Variants in MAP3K21 observed in about 807,000 individuals in gnomAD.
MAP3K21 encodes the protein mitogen-activated protein kinase kinase kinase MLK4.
Under a neutral mutation model 86.1 loss-of-function variants are expected in MAP3K21, and 63 were observed. The observed-to-expected ratio is 0.73, with a 90% CI of 0.60 to 0.90. The LOEUF (loss-of-function observed/expected upper bound fraction) is 0.90, where lower values mean the gene tolerates loss of function less well. Among genes scored for constraint, MAP3K21 ranks in the 40% least tolerant of loss-of-function variants. The pLI is 0.00. For synonymous variants in MAP3K21, 558 were observed against 564.8 expected (o/e 0.99, Z 0.17); for missense variants, 1,220 against 1,367.7 (o/e 0.89, Z 1.70).
chr1:233,364,811 T>C (rs1663542197), intron 5 of MAP3K21, among the ~76,000 whole-genome samples: 1 of 152,214 alleles, frequency 6.6e-6, no homozygotes, highest in African/African-American at 2.4e-5. Flanking sequence ...AGAAATCTAC[T>C]GCTATAATCC....
chr1:233,342,924 A>T (rs75013893), intron 1 of MAP3K21, among the ~76,000 whole-genome samples: 2,118 of 152,270 alleles, frequency 0.014, 54 homozygotes, highest in African/African-American at 0.048. Context: ...CGGATTCTTC[A>T]TATCTATAAT....
At chr1:233,331,535 T>C (rs1662809159) in intron 1 of MAP3K21, among the ~76,000 whole-genome samples, 1 of 152,246 alleles carries the variant, frequency 6.6e-6, no homozygotes, top group African/African-American at 2.4e-5. Context: ...TGCAGTATGT[T>C]TTGTTTGATT....
In MAP3K21 at chr1:233,339,316, CTCT is replaced by C. The variant is rs1446861300; in HGVS notation, c.806-7114_806-7112del. On this transcript the variant is annotated intron_variant, in intron 1 of 9. Transcript: ENST00000366624. ...CCTCTTCTTCTTCCTCTTCTTCTTCCTCTTCTTCTTCTTCCTCTTCTTCTCCCT... is the reference window on the plus strand; with the variant it reads ...CCTCTTCTTCTTCCTCTTCTTCTTCCTCTTCTTCTTCCTCTTCTTCTCCCT... 1.5e-4 allele frequency among the ~76,000 whole-genome samples: 12 copies of C among 81,576 alleles called. 1 individual carries two copies. The highest frequency in any genetic ancestry group is 8.7e-4 in the East Asian group (2 of 2,308). The allele number at this position is 81,576 out of a possible 152,430, so 53.5% of individuals were successfully genotyped here.
intron 1 of MAP3K21, among the ~76,000 whole-genome samples, chr1:233,343,788 T>C (rs1404370855): frequency 6.6e-6 from 1 of 152,204 alleles, no homozygotes. Context: ...AGCATTGTCG[T>C]ATGGGTTATG....
chr1:233,380,997 A>T (rs1663902865), intron 9 of MAP3K21, among the ~76,000 whole-genome samples: 1 of 152,192 alleles, frequency 6.6e-6, no homozygotes, highest in Admixed American at 6.5e-5. Context: ...GTGGCACTGA[A>T]ATACTGACAT....
Position 233,328,916 on chromosome 1 carries a change from A to C in MAP3K21, c.805+83A>C. 1 of 1,246,382 alleles carries C rather than the reference A, an allele frequency of 8.0e-7. No individual in the cohort carries two copies. The highest frequency in any genetic ancestry group is 1.0e-6 in the Non-Finnish European group (1 of 985,200). The allele number at this position is 1,246,382 out of a possible 1,614,324, so 77.2% of individuals were successfully genotyped here. Reference sequence around the variant, plus strand: ...TCCACAGGACATAGTACCAGATGGAAAGAGGTGGGAGTCAGCCTTAGGGCG... The same window carrying C: ...TCCACAGGACATAGTACCAGATGGACAGAGGTGGGAGTCAGCCTTAGGGCG... On this transcript the variant is annotated intron_variant, in intron 1 of 9. Coordinates refer to ENST00000366624, the MANE Select transcript of MAP3K21 (RefSeq NM_032435.3). The surrounding 1 kb of genome is among the most constrained non-coding windows in gnomAD (Gnocchi z 8.7).
Position 233,366,815 on chromosome 1 carries a change from A to G in MAP3K21, c.1552+4522A>G, listed in dbSNP as rs1316020401. ...TTTAATCTTATGGGTATTTATAGCT[A>G]TGGTGATTTAGTGATAGAAACCTCA... On this transcript the variant is annotated intron_variant, in intron 5 of 9. Transcript: ENST00000366624. Among the ~76,000 whole-genome samples the G allele has an allele frequency of 2.6e-5, 4 of 152,278 alleles. No individual in the cohort carries two copies. The East Asian group carries it at 7.8e-4, about 30-fold the overall frequency.
intron 1 of MAP3K21, among the ~76,000 whole-genome samples, chr1:233,339,497 T>TC (rs1662996434): frequency 7.3e-6 from 1 of 137,724 alleles, no homozygotes; most frequent in Non-Finnish European, 1.6e-5. Flanking sequence ...TTTTTTTTTT[T>TC]TGAGGCAGGG....
At chr1:233,373,098 T>C (rs565542988) in intron 6 of MAP3K21, 2 of 152,274 alleles carry the variant, frequency 1.3e-5, no homozygotes, top group South Asian at 2.1e-4. Context: ...ACAGAGAAAC[T>C]GGATCTAAAT....
Position 233,379,637 on chromosome 1 carries a change from A to C in MAP3K21, c.2631A>C (p.Val877=). 6.2e-7 allele frequency: 1 copy of C among 1,614,078 alleles called. No individual in the cohort carries two copies. Among genetic ancestry groups the C allele is most frequent in the Non-Finnish European group, 8.5e-7 (1 of 1,180,002 alleles). Reference sequence around the variant, plus strand: ...TCCTACAGCAGACATGTGGGAATGTACCTTACTGTGCTTCTTCAAAACATA... The same window carrying C: ...TCCTACAGCAGACATGTGGGAATGTCCCTTACTGTGCTTCTTCAAAACATA... ...SSFLQQTCGN[V]PYCASSKHRP... The change falls in exon 9 of 10, where the codon GTA becomes GTC. Residue 877 remains valine (V), a synonymous_variant. Coordinates refer to ENST00000366624, the MANE Select transcript of MAP3K21 (RefSeq NM_032435.3).
chr1:233,381,790 G>T (rs2102770188), intron 9 of MAP3K21, among the ~76,000 whole-genome samples: 1 of 152,300 alleles, frequency 6.6e-6, no homozygotes, highest in South Asian at 2.1e-4. Flanking sequence ...AACAAGAAAA[G>T]AGGTGACGTG....
intron 5 of MAP3K21, among the ~76,000 whole-genome samples, chr1:233,368,870 T>A (rs548585809): frequency 6.6e-6 from 1 of 152,182 alleles, no homozygotes; most frequent in East Asian, 1.9e-4. Context: ...GGGGTGATTA[T>A]AAAACATATA....
chr1:233,363,938 C>T (rs577800203), intron 5 of MAP3K21, among the ~76,000 whole-genome samples: 4 of 150,604 alleles, frequency 2.7e-5, no homozygotes, highest in Non-Finnish European at 4.4e-5. Flanking sequence ...CTCTTGAACC[C>T]GGGAGCTGGA....
Position 233,379,613 on chromosome 1 carries a change from C to T in MAP3K21, c.2607C>T (p.Phe869=). Reference sequence around the variant, plus strand: ...TATCAAGAAACTTGCCGTCTTCCTTCCTACAGCAGACATGTGGGAATGTAC... The same window carrying T: ...TATCAAGAAACTTGCCGTCTTCCTTTCTACAGCAGACATGTGGGAATGTAC... The part of the protein sequence containing the change: ...CSVSRNLPSS[F]LQQTCGNVPY... The change falls in exon 9 of 10, where the codon TTC becomes TTT. Residue 869 remains phenylalanine, a synonymous_variant. Coordinates refer to ENST00000366624, the MANE Select transcript of MAP3K21 (RefSeq NM_032435.3). 3.7e-6 allele frequency: 6 copies of T among 1,614,122 alleles called. No individual in the cohort carries two copies. Among genetic ancestry groups the T allele is most frequent in the Non-Finnish European group, 5.1e-6 (6 of 1,180,008 alleles).
rs1421396237 is a variant in MAP3K21, at chr1:233,346,524, G to A, written c.888G>A (p.Trp296Ter). ...CAGATTTTGGGTTGGCGAGGGAATG[G>A]CACAGGACCACCAAAATGAGCACAG... ...KITDFGLARE[W>*]HRTTKMSTAG... The change falls in exon 2 of 10, where the codon TGG (tryptophan) becomes TGA (stop). Residue 296 changes from tryptophan (W) to a stop codon, truncating the protein, a stop_gained. Transcript: ENST00000366624. LOFTEE classifies it high-confidence loss of function. 6.2e-7 allele frequency: 1 copy of A among 1,613,786 alleles called. No individual in the cohort carries two copies. The highest frequency in any genetic ancestry group is 1.1e-5 in the South Asian group (1 of 91,062).
intron 5 of MAP3K21, among the ~76,000 whole-genome samples, chr1:233,365,755 A>G (rs1253318522): frequency 6.6e-6 from 1 of 152,182 alleles, no homozygotes; most frequent in Admixed American, 6.5e-5. Context: ...AAGTTAGTAC[A>G]GCCATTGTGG....
chr1:233,346,375 C>A, intron 1 of MAP3K21, 67 bp from the exon 2 acceptor site: 2 of 1,260,682 alleles, frequency 1.6e-6, no homozygotes, highest in Non-Finnish European at 1.1e-6. Context: ...GTTTTACATG[C>A]CACAGAAAAA....
At chr1:233,339,262 TTCTTCC>T (rs1201043721) in intron 1 of MAP3K21, among the ~76,000 whole-genome samples, 696 of 33,274 alleles carry the variant, frequency 0.021, 77 homozygotes, top group East Asian at 0.049. Context: ...CTTCTTCTTC[TTCTTCC>T]TCTTCTTCTT....
rs1558451010 is a variant in MAP3K21, at chr1:233,339,313, T to TTC, written c.806-7128_806-7127dup. Among the ~76,000 whole-genome samples the TTC allele has an allele frequency of 2.9e-4, 39 of 135,606 alleles. 1 individual carries two copies. Among genetic ancestry groups the TTC allele is most frequent in the South Asian group, 7.0e-4 (3 of 4,274 alleles). The allele number at this position is 135,606 out of a possible 152,430, so 89.0% of individuals were successfully genotyped here. On this transcript the variant is annotated intron_variant, in intron 1 of 9. Transcript: ENST00000366624. ...CTTCCTCTTCTTCTTCCTCTTCTTC[T>TTC]TCCTCTTCTTCTTCTTCCTCTTCTT...
Sources: allele counts gnomAD v4.1 joint callset (sites outside exome capture counted in the v4.1 genomes callset), GRCh38; gene constraint gnomAD v4.1.1; non-coding constraint Gnocchi (gnomAD v3.1); transcripts MANE v1.5; gene names NCBI Gene and HGNC (gene_info 2026-07-23, HGNC 2026-07-21).